NAPA: variants seen among roughly 807,000 people sequenced by gnomAD.
NAPA encodes the protein NSF attachment protein alpha, also known as alpha-soluble NSF attachment protein.
Under a neutral mutation model 48.0 loss-of-function variants are expected in NAPA, and 18 were observed. That is an observed-to-expected ratio of 0.38 (90% confidence interval 0.26 to 0.56). NAPA has a LOEUF of 0.56. NAPA is among the 20% of genes least tolerant of loss of function. The pLI is 0.77. For missense variants in NAPA, 315 were observed against 385.0 expected (o/e 0.82, Z 1.52); for synonymous variants, 152 against 149.9 (o/e 1.01, Z -0.10).
chr19:47,512,181 A>G (rs1968816724), intron 1 of NAPA, among the ~76,000 whole-genome samples: 1 of 152,196 alleles, frequency 6.6e-6, no homozygotes, highest in Non-Finnish European at 1.5e-5. Context: ...CTCCCCCAGG[A>G]AGCCATTTCT....
intron 4 of NAPA, chr19:47,495,227 CA>C: frequency 2.6e-6 from 1 of 389,548 alleles, no homozygotes; most frequent in South Asian, 3.9e-5. Flanking sequence ...CTCCTGTGCC[CA>C]AAAGATCCTC....
intron 1 of NAPA, among the ~76,000 whole-genome samples, chr19:47,514,106 C>G (rs897369484): frequency 6.6e-6 from 1 of 151,938 alleles, no homozygotes; most frequent in African/African-American, 2.4e-5. Flanking sequence ...ACCTCGGCCT[C>G]CCAAAGTGCT....
chr19:47,484,790 T>G (rs1968022440), downstream of NAPA, among the ~76,000 whole-genome samples: 1 of 150,656 alleles, frequency 6.6e-6, no homozygotes, highest in Non-Finnish European at 1.5e-5. Context: ...CTGCAACCTC[T>G]GCCTCCTGGG....
intron 7 of NAPA, chr19:47,492,404 C>T: frequency 2.2e-6 from 1 of 459,520 alleles, no homozygotes; most frequent in Non-Finnish European, 4.0e-6. Flanking sequence ...AAGGAGGCAG[C>T]CTGGCTGTCA....
rs2242495 is a variant in NAPA, at chr19:47,495,859, G to C, written c.296-263C>G. The C allele has an allele frequency of 3.9e-5, 19 of 488,106 alleles. 1 individual carries two copies. The South Asian group carries it at 4.0e-4, about 10-fold the overall frequency. 30.2% of individuals were successfully genotyped at this position (488,106 alleles called of 1,614,324 possible). On this transcript the variant is annotated intron_variant, in intron 3 of 10. Transcript: ENST00000263354. ...CTTCTGGGGGAGCCCTTCTCTCCTCGGGCTGCCAGGATGCTACCAGCTTCC... is the reference window on the plus strand; with the variant it reads ...CTTCTGGGGGAGCCCTTCTCTCCTCCGGCTGCCAGGATGCTACCAGCTTCC...
At chr19:47,500,866 A>G (rs1208349309) in intron 2 of NAPA, 117 bp from the exon 3 acceptor site, 4 of 722,780 alleles carry the variant, frequency 5.5e-6, no homozygotes, top group East Asian at 3.1e-5. Flanking sequence ...AGAGTCCCCA[A>G]GACAGGACGA....
chr19:47,510,174 C>T (rs767728802), intron 1 of NAPA, among the ~76,000 whole-genome samples: 2 of 152,344 alleles, frequency 1.3e-5, no homozygotes, highest in African/African-American at 2.4e-5. Flanking sequence ...GGTTTCTGCA[C>T]GCTCTGCAGA....
intron 7 of NAPA, chr19:47,492,748 A>G (rs762523944): frequency 3.2e-5 from 22 of 686,130 alleles, no homozygotes; most frequent in Non-Finnish European, 5.3e-5. Context: ...AGCCAGGGAG[A>G]GAGACGGTGC....
rs768294775 is a variant in NAPA at position 47,503,522 on chromosome 19, A to G, written c.99-20T>C. The G allele has an allele frequency of 3.8e-5, 61 of 1,609,778 alleles. No individual in the cohort carries two copies. Among genetic ancestry groups the G allele is most frequent in the Non-Finnish European group, 5.1e-5 (60 of 1,176,038 alleles). On this transcript the variant is annotated intron_variant, in intron 1 of 10. Transcript: ENST00000263354. ...GAGCCTCTGGGGAAAAAGGAAAGAA[A>G]AAAAGGAGACAATCTAGTCGGCTAT...
intron 1 of NAPA, 61 bp downstream of exon 1, chr19:47,514,782 G>A (rs1045353416): frequency 2.1e-5 from 32 of 1,527,028 alleles, no homozygotes; most frequent in Admixed American, 3.6e-5. Flanking sequence ...CGCCACCTCC[G>A]AGCGTGACTC....
At chr19:47,486,785 T>G (rs1009087112), downstream of NAPA, among the ~76,000 whole-genome samples, 5 of 152,192 alleles carry the variant, frequency 3.3e-5, no homozygotes, top group African/African-American at 1.2e-4. Context: ...ACTGGAGCTG[T>G]GGGAGAAGCT....
intron 3 of NAPA, 115 bp from the exon 4 acceptor site, chr19:47,495,711 G>A (rs1476529176): frequency 6.8e-5 from 62 of 912,282 alleles, no homozygotes; most frequent in Non-Finnish European, 5.8e-5. Flanking sequence ...ATCAATAGGC[G>A]CTCAGAGCTG....
At chr19:47,514,331 T>C (rs1253917633) in intron 1 of NAPA, among the ~76,000 whole-genome samples, 1 of 152,056 alleles carries the variant, frequency 6.6e-6, no homozygotes, top group East Asian at 1.9e-4. Flanking sequence ...GCAAATCCAC[T>C]GCTCCAGGGG....
chr19:47,489,889 T>A, intron 9 of NAPA, 128 bp from the exon 10 acceptor site: 1 of 882,286 alleles, frequency 1.1e-6, no homozygotes, highest in Middle Eastern at 2.8e-4. Flanking sequence ...TCTCAGAGGG[T>A]CAATCCGTGT....
downstream of NAPA, among the ~76,000 whole-genome samples, chr19:47,485,713 G>A (rs1396237250): frequency 1.3e-5 from 2 of 152,240 alleles, no homozygotes; most frequent in African/African-American, 4.8e-5. Flanking sequence ...GTTCTCAAAG[G>A]CAGACTGGAT....
At chr19:47,510,031 C>G (rs1448461689) in intron 1 of NAPA, among the ~76,000 whole-genome samples, 1 of 152,204 alleles carries the variant, frequency 6.6e-6, no homozygotes, top group Admixed American at 6.5e-5. Context: ...CTCGGATTCC[C>G]CAGAAACCTT....
intron 9 of NAPA, among the ~76,000 whole-genome samples, chr19:47,490,308 CGT>C (rs57195620): frequency 0.14 from 17,076 of 121,150 alleles, 1,137 homozygotes; most frequent in East Asian, 0.25. Flanking sequence ...AGGGGTGTGT[CGT>C]GTGTGTGTAG....
chr19:47,488,450 A>G, intron 10 of NAPA, 61 bp from the exon 11 acceptor site: 1 of 1,367,134 alleles, frequency 7.3e-7, no homozygotes, highest in Non-Finnish European at 1.0e-6. Flanking sequence ...CTGCAGCCCA[A>G]GGGCACTTGT....
At chr19:47,502,463 T>C (rs1239398042) in intron 2 of NAPA, among the ~76,000 whole-genome samples, 1 of 152,094 alleles carries the variant, frequency 6.6e-6, no homozygotes, top group African/African-American at 2.4e-5. Flanking sequence ...TCACAACGTA[T>C]TTTGTGAAAA....
Sources: allele counts gnomAD v4.1 joint callset (sites outside exome capture counted in the v4.1 genomes callset), GRCh38; gene constraint gnomAD v4.1.1; transcripts MANE v1.5; gene names NCBI Gene and HGNC (gene_info 2026-07-23, HGNC 2026-07-21).